Variants in CNTN3 observed in about 807,000 individuals in gnomAD.
CNTN3 encodes the protein contactin-3.
In CNTN3, 60 loss-of-function variants were observed where a neutral mutation model predicts 119.1. That is an observed-to-expected ratio of 0.50 (90% confidence interval 0.41 to 0.62). CNTN3 has a LOEUF of 0.62. Ranked by LOEUF, CNTN3 falls within the 20% of genes least tolerant of loss-of-function variation. The pLI is 0.00. For synonymous variants in CNTN3, 450 were observed against 438.7 expected (o/e 1.03, Z -0.32); for missense variants, 1,101 against 1,242.4 (o/e 0.89, Z 1.71).
intron 1 of CNTN3, among the ~76,000 whole-genome samples, chr3:74,590,536 T>G (rs2106685794): frequency 6.6e-6 from 1 of 152,026 alleles, no homozygotes; most frequent in East Asian, 1.9e-4. Flanking sequence ...TTGGAGCTCC[T>G]ATCACTTTGG....
intron 1 of CNTN3, among the ~76,000 whole-genome samples, chr3:74,537,800 A>G (rs1488638841): frequency 2.0e-4 from 31 of 152,240 alleles, no homozygotes; most frequent in Admixed American, 1.7e-3. Context: ...TTCAAAACCA[A>G]TATTTCCCAG....
At chr3:74,418,552 G>GCAT (rs1701564871) in intron 5 of CNTN3, among the ~76,000 whole-genome samples, 1 of 151,200 alleles carries the variant, frequency 6.6e-6, no homozygotes, top group Non-Finnish European at 1.5e-5. Context: ...TGCTGGCCAG[G>GCAT]CTGGTCTCCA....
Position 74,416,386 on chromosome 3 carries a change from A to G in CNTN3, c.454+8459T>C, listed in dbSNP as rs147517518. On this transcript the variant is annotated intron_variant, in intron 5 of 22. Transcript: ENST00000263665. Reference sequence around the variant, plus strand: ...TAGGTTCTGTGATTATTCCCCATGTATAGATAAGAAATAAGAGATACAGAG... The same window carrying G: ...TAGGTTCTGTGATTATTCCCCATGTGTAGATAAGAAATAAGAGATACAGAG... 5.2e-3 allele frequency among the ~76,000 whole-genome samples: 799 copies of G among 152,330 alleles called. 5 individuals carry two copies. Among genetic ancestry groups the G allele is most frequent in the Non-Finnish European group, 5.3e-3 (361 of 68,030 alleles).
At chr3:74,536,308 C>T (rs998635698) in intron 1 of CNTN3, among the ~76,000 whole-genome samples, 1 of 152,014 alleles carries the variant, frequency 6.6e-6, no homozygotes, top group African/African-American at 2.4e-5. Flanking sequence ...ACCTCAGTAC[C>T]ATACAGATAT....
At chr3:74,293,901 G>A (rs1294987117) in intron 19 of CNTN3, among the ~76,000 whole-genome samples, 2 of 152,152 alleles carry the variant, frequency 1.3e-5, no homozygotes, top group Non-Finnish European at 2.9e-5. Flanking sequence ...TGAGAAGTCT[G>A]AACTGAGCCC....
chr3:74,418,529 C>T (rs999677188), intron 5 of CNTN3, among the ~76,000 whole-genome samples: 52 of 151,214 alleles, frequency 3.4e-4, no homozygotes, highest in Admixed American at 3.2e-3. Flanking sequence ...TTTAGTGAGA[C>T]GGGGTTTCAC....
At chr3:74,426,673 C>T (rs1701700652) in intron 4 of CNTN3, among the ~76,000 whole-genome samples, 1 of 152,176 alleles carries the variant, frequency 6.6e-6, no homozygotes, top group Non-Finnish European at 1.5e-5. Flanking sequence ...TAACCACACG[C>T]TATCCAACAG....
chr3:74,401,484 TTCTC>T (rs1392512653), intron 5 of CNTN3, among the ~76,000 whole-genome samples: 8 of 151,820 alleles, frequency 5.3e-5, no homozygotes, highest in Middle Eastern at 3.2e-3. Flanking sequence ...TCTCCTCTCT[TTCTC>T]TAGTGCACAC....
chr3:74,364,764 T>C (rs1704151783), intron 9 of CNTN3, among the ~76,000 whole-genome samples, 168 bp from the exon 10 acceptor site: 1 of 152,150 alleles, frequency 6.6e-6, no homozygotes, highest in African/African-American at 2.4e-5. Context: ...GAAAGACTAA[T>C]TTACACAATA....
intron 5 of CNTN3, among the ~76,000 whole-genome samples, chr3:74,419,063 CTAGGATTACAGGCA>C (rs1471514642): frequency 1.3e-5 from 2 of 150,942 alleles, no homozygotes; most frequent in Admixed American, 1.3e-4. Flanking sequence ...TCCCAAAGTG[CTAGGATTACAGGCA>C]TGAGCCACCG....
rs374131978 is a variant in CNTN3 at position 74,303,699 on chromosome 3, G to A, written c.1669-892C>T. 7.9e-5 allele frequency among the ~76,000 whole-genome samples: 12 copies of A among 152,106 alleles called. No homozygotes were observed. The East Asian group carries it at 1.5e-3, about 20-fold the overall frequency. ...GGCTGACAGGCAAGACTCTGTCTCC[G>A]CCTCCAAAAAATAAATAATAATAAC... On this transcript the variant is annotated intron_variant, in intron 13 of 22. Coordinates refer to ENST00000263665, the MANE Select transcript of CNTN3 (RefSeq NM_020872.3).
Position 74,266,476 on chromosome 3 carries a change from C to A in CNTN3, c.2986+5G>T. 1.2e-6 allele frequency: 2 copies of A among 1,612,314 alleles called. No individual in the cohort carries two copies. Among genetic ancestry groups the A allele is most frequent in the Non-Finnish European group, 1.7e-6 (2 of 1,178,718 alleles). Reference sequence around the variant, plus strand: ...TAAAGTAAATAATGGCTTCAACCAACTTACTGGTTATTCGTGGAATCCTGA... The same window carrying A: ...TAAAGTAAATAATGGCTTCAACCAAATTACTGGTTATTCGTGGAATCCTGA... On this transcript the variant is annotated splice_donor_5th_base_variant and intron_variant, in intron 22 of 22. Coordinates refer to ENST00000263665, the MANE Select transcript of CNTN3 (RefSeq NM_020872.3).
intron 22 of CNTN3, among the ~76,000 whole-genome samples, chr3:74,265,044 A>G (rs1432925285): frequency 6.6e-6 from 1 of 152,212 alleles, no homozygotes; most frequent in Non-Finnish European, 1.5e-5. Context: ...CTTGATTACA[A>G]ACAACTTTGA....
intron 13 of CNTN3, among the ~76,000 whole-genome samples, chr3:74,329,874 C>A (rs1421705209): frequency 2.0e-5 from 3 of 152,104 alleles, no homozygotes; most frequent in Admixed American, 6.6e-5. Context: ...AAATAGTGTA[C>A]ACATTCTTAT....
In CNTN3 at chr3:74,262,856, T is replaced by A. The variant is rs1440264718; in HGVS notation, c.*1545A>T. ...TGGAAATAACAATGGTCATATGAAA[T>A]CTACTAGTCATTCAGATTGTTTCAA... is the stretch of plus-strand genomic sequence containing the variant. On this transcript the variant is annotated 3_prime_UTR_variant, in exon 23 of 23. Transcript: ENST00000263665. The A allele has an allele frequency of 6.6e-6, 1 of 152,136 alleles. No individual in the cohort carries two copies. The highest frequency in any genetic ancestry group is 1.5e-5 in the Non-Finnish European group (1 of 67,982). 9.4% of individuals were successfully genotyped at this position (152,136 alleles called of 1,614,324 possible).
intron 1 of CNTN3, among the ~76,000 whole-genome samples, chr3:74,559,655 T>C (rs915282517): frequency 4.6e-5 from 7 of 152,054 alleles, no homozygotes; most frequent in Non-Finnish European, 1.0e-4. Context: ...TTTTAGTACT[T>C]CTGCATTGCT....
intron 5 of CNTN3, among the ~76,000 whole-genome samples, chr3:74,407,025 C>T (rs1350329216): frequency 6.6e-6 from 1 of 152,068 alleles, no homozygotes; most frequent in Admixed American, 6.6e-5. Context: ...AGCATAATCT[C>T]AAAACCGAGG....
At chr3:74,479,354 C>A (rs2107023109) in intron 4 of CNTN3, among the ~76,000 whole-genome samples, 1 of 152,050 alleles carries the variant, frequency 6.6e-6, no homozygotes, top group East Asian at 1.9e-4. Flanking sequence ...AAACTAGGGG[C>A]AAAGAGAATA....
chr3:74,606,659 T>C (rs1441223075), intron 1 of CNTN3, among the ~76,000 whole-genome samples: 1 of 152,122 alleles, frequency 6.6e-6, no homozygotes, highest in Non-Finnish European at 1.5e-5. Context: ...TATAGAACTA[T>C]TTAAAGCAAC....
Sources: gnomAD v4.1 joint callset for allele counts (sites outside exome capture counted in the v4.1 genomes callset) on GRCh38, gnomAD v4.1.1 for gene constraint, MANE v1.5 for transcripts, NCBI Gene and HGNC (gene_info 2026-07-23, HGNC 2026-07-21) for gene names.